Variants in CDC14B observed in about 807,000 individuals in gnomAD.
CDC14B encodes dual specificity protein phosphatase CDC14B.
A neutral mutation model predicts 64.2 loss-of-function variants in CDC14B; 22 were observed. The ratio of observed to expected loss-of-function variants is 0.34; its 90% CI spans 0.24 to 0.49. The LOEUF (loss-of-function observed/expected upper bound fraction) is 0.49, where lower values mean the gene tolerates loss of function less well. CDC14B is among the 20% of genes least tolerant of loss of function. The pLI is 0.99. For missense variants in CDC14B, 498 were observed against 629.9 expected, an observed-to-expected ratio of 0.79 and a Z score of 2.24; for synonymous variants, 191 against 215.8, an observed-to-expected ratio of 0.89 and a Z score of 1.01.
chr9:96,522,658 G>A (rs1836927546), intron 11 of CDC14B, 55 bp from the exon 12 acceptor site: 4 of 1,084,852 alleles, frequency 3.7e-6, no homozygotes, highest in South Asian at 1.3e-5. Context: ...TATTAATGCA[G>A]TACAGCAGAG....
chr9:96,563,655 G>GA lies in CDC14B; in HGVS notation c.328-871dup, dbSNP rs35893039. Among the ~76,000 whole-genome samples, 498 of 81,394 alleles carry GA rather than the reference G, an allele frequency of 6.1e-3. 1 individual carries two copies. The highest frequency in any genetic ancestry group is 0.013 in the South Asian group (31 of 2,412). The allele number at this position is 81,394 out of a possible 152,430, so 53.4% of individuals were successfully genotyped here. A position where few individuals can be genotyped will look rare whatever the true frequency, so the allele number is the denominator to read the frequency against. Reference sequence around the variant, plus strand: ...ACAAGAGCGAAACTCTGTCTCACGGGAAAAAAAAAAAAAAAAAAAAGGAAG... The same window carrying GA: ...ACAAGAGCGAAACTCTGTCTCACGGGAAAAAAAAAAAAAAAAAAAAAGGAAG... On this transcript the variant is annotated intron_variant, in intron 3 of 13. Transcript: ENST00000375241.
intron 1 of CDC14B, among the ~76,000 whole-genome samples, chr9:96,571,146 G>A (rs1358545944): frequency 2.0e-5 from 3 of 151,640 alleles, no homozygotes; most frequent in African/African-American, 7.3e-5. Context: ...TGAAAAAGCT[G>A]TCAGACAACT....
chr9:96,577,849 T>C (rs1844903129), intron 1 of CDC14B, among the ~76,000 whole-genome samples: 1 of 152,226 alleles, frequency 6.6e-6, no homozygotes, highest in East Asian at 1.9e-4. Context: ...CATAGAATCA[T>C]TATTTATAAT....
At chr9:96,559,196 A>T (rs1842855785) in intron 4 of CDC14B, among the ~76,000 whole-genome samples, 1 of 152,074 alleles carries the variant, frequency 6.6e-6, no homozygotes, top group Non-Finnish European at 1.5e-5. Flanking sequence ...ATTACCTCAC[A>T]CTCTCTGCCC....
At chr9:96,593,862 A>T (rs904194831) in intron 1 of CDC14B, among the ~76,000 whole-genome samples, 3 of 152,200 alleles carry the variant, frequency 2.0e-5, no homozygotes, top group African/African-American at 7.2e-5. Context: ...AAAGATGATA[A>T]ACCAGATGTC....
At chr9:96,566,177 C>A (rs371851422) in intron 1 of CDC14B, among the ~76,000 whole-genome samples, 11 of 152,184 alleles carry the variant, frequency 7.2e-5, no homozygotes, top group African/African-American at 2.4e-4. Context: ...TCAGGAGGCT[C>A]CACCCGCATT....
At chr9:96,589,238 C>T (rs1845640932) in intron 1 of CDC14B, among the ~76,000 whole-genome samples, 1 of 151,948 alleles carries the variant, frequency 6.6e-6, no homozygotes, top group African/African-American at 2.4e-5. Flanking sequence ...ACTTGGAAGG[C>T]TGAGGCAGGA....
chr9:96,564,890 A>G lies in CDC14B; in HGVS notation c.252-38T>C, dbSNP rs757327597. The G allele has an allele frequency of 5.9e-6, 8 of 1,349,540 alleles. No homozygotes were observed. The Admixed American group carries it at 1.4e-4, about 24-fold the overall frequency. The allele number at this position is 1,349,540 out of a possible 1,614,324, so 83.6% of individuals were successfully genotyped here. On this transcript the variant is annotated intron_variant, in intron 2 of 13. Coordinates refer to ENST00000375241, the MANE Select transcript of CDC14B (RefSeq NM_033331.4). ...AAAATAAAAATGTGATGTACATTCT[A>G]GATGCTCTGAATATAAATGCCTTTT... is the stretch of plus-strand genomic sequence containing the variant.
intron 1 of CDC14B, among the ~76,000 whole-genome samples, chr9:96,592,244 A>G (rs573418546): frequency 9.9e-5 from 15 of 152,048 alleles, no homozygotes; most frequent in Admixed American, 3.3e-4. Context: ...CACCCAGCTA[A>G]TTGTTGTATT....
exon 14 of CDC14B, chr9:96,492,935 A>G (rs1053985451): frequency 6.6e-6 from 1 of 152,188 alleles, no homozygotes; most frequent in Non-Finnish European, 1.5e-5. Context: ...CTCTAGCCTA[A>G]TGTTGCTCAT....
chr9:96,530,373 A>G (rs1838266532), intron 9 of CDC14B, among the ~76,000 whole-genome samples: 2 of 148,378 alleles, frequency 1.3e-5, no homozygotes, highest in South Asian at 2.1e-4. Context: ...GCTCACTGCA[A>G]CCTCCACCTC....
chr9:96,581,355 G>T (rs1158940397), intron 1 of CDC14B, among the ~76,000 whole-genome samples: 1 of 152,056 alleles, frequency 6.6e-6, no homozygotes, highest in Non-Finnish European at 1.5e-5. Context: ...TATAGTCCCA[G>T]CTACTTGGGA....
intron 1 of CDC14B, among the ~76,000 whole-genome samples, chr9:96,570,875 G>T (rs1211349459): frequency 6.6e-6 from 1 of 152,188 alleles, no homozygotes; most frequent in Non-Finnish European, 1.5e-5. Flanking sequence ...TTTGAACACA[G>T]GCTATTGGAT....
intron 1 of CDC14B, among the ~76,000 whole-genome samples, chr9:96,582,700 T>C (rs559174416): frequency 3.9e-5 from 6 of 152,352 alleles, no homozygotes; most frequent in African/African-American, 1.2e-4. Context: ...TATTTCTTTA[T>C]GGCACTGAGG....
rs1833676327 is a variant in CDC14B at position 96,502,823 on chromosome 9, T to C, written c.*930A>G. 2.5e-6 allele frequency: 1 copy of C among 398,082 alleles called. No homozygotes were observed. The highest frequency in any genetic ancestry group is 2.1e-5 in the African/African-American group (1 of 48,404). The allele number at this position is 398,082 out of a possible 1,614,324, so 24.7% of individuals were successfully genotyped here. A position where few individuals can be genotyped will look rare whatever the true frequency, so the allele number is the denominator to read the frequency against. ...CTCATAAGGGAAAAAAAAAATCCAA[T>C]GTTACAGGGAAGGACTCTAAAAAAG... On this transcript the variant is annotated 3_prime_UTR_variant, in exon 14 of 14. Coordinates refer to ENST00000375241, the MANE Select transcript of CDC14B (RefSeq NM_033331.4).
At chr9:96,582,967 C>T (rs555192675) in intron 1 of CDC14B, among the ~76,000 whole-genome samples, 1 of 152,086 alleles carries the variant, frequency 6.6e-6, no homozygotes, top group Non-Finnish European at 1.5e-5. Flanking sequence ...AACAGGGAGC[C>T]GATCGGGCAG....
chr9:96,495,726 C>T (rs1161134978), downstream of CDC14B, among the ~76,000 whole-genome samples: 1 of 152,094 alleles, frequency 6.6e-6, no homozygotes, highest in Non-Finnish European at 1.5e-5. Flanking sequence ...GAGGGACATG[C>T]TTGGGGAACT....
chr9:96,546,921 G>C (rs1211571971), intron 5 of CDC14B, among the ~76,000 whole-genome samples: 1 of 152,002 alleles, frequency 6.6e-6, no homozygotes, highest in Admixed American at 6.5e-5. Flanking sequence ...AATTAGCTGG[G>C]CGTGGTGGCA....
At chr9:96,616,341 A>C (rs1383640540) in intron 1 of CDC14B, among the ~76,000 whole-genome samples, 1 of 152,008 alleles carries the variant, frequency 6.6e-6, no homozygotes, top group Non-Finnish European at 1.5e-5. Flanking sequence ...AAAGAGAACT[A>C]ATCTTGCTGG....
Sources: allele counts gnomAD v4.1 joint callset (sites outside exome capture counted in the v4.1 genomes callset), GRCh38; gene constraint gnomAD v4.1.1; transcripts MANE v1.5; gene names NCBI Gene and HGNC (gene_info 2026-07-23, HGNC 2026-07-21).